The following DLG2 variants were observed in gnomAD, a reference collection of about 807,000 sequenced individuals.
The protein encoded by DLG2 is discs large MAGUK scaffold protein 2.
DLG2 carries 45 observed loss-of-function variants against 132.5 expected under a neutral mutation model. The observed-to-expected ratio is 0.34, with a 90% confidence interval of 0.27 to 0.44. The LOEUF (loss-of-function observed/expected upper bound fraction) is 0.44, where lower values mean the gene tolerates loss of function less well. DLG2 is among the 20% of genes least tolerant of loss of function. The pLI is 1.00. For missense variants in DLG2, 1,045 were observed against 1,196.9 expected (o/e 0.87, Z 1.87); for synonymous variants, 424 against 419.6 (o/e 1.01, Z -0.13).
chr11:84,389,985 T>A (rs2098786528), intron 7 of DLG2, among the ~76,000 whole-genome samples: 1 of 152,202 alleles, frequency 6.6e-6, no homozygotes, highest in South Asian at 2.1e-4. Flanking sequence ...CATTTAGGTA[T>A]ATATGTTCAA....
In DLG2 at chr11:84,367,415, T is replaced by G. The variant is rs1322357849; in HGVS notation, c.520-116124A>C. On this transcript the variant is annotated intron_variant, in intron 7 of 27. Coordinates refer to ENST00000376104, the MANE Select transcript of DLG2 (RefSeq NM_001142699.3). ...ACAAAAACCAGCACTGGGACAGACT[T>G]GGCCCATGAACTGTAGTTGTCAAGT... Among the ~76,000 whole-genome samples, 5 of 152,222 alleles carry G rather than the reference T, an allele frequency of 3.3e-5. No individual in the cohort carries two copies. The East Asian group carries it at 9.7e-4, about 30-fold the overall frequency.
intron 3 of DLG2, among the ~76,000 whole-genome samples, chr11:85,492,061 G>A (rs1392132503): frequency 1.3e-5 from 2 of 152,052 alleles, no homozygotes; most frequent in African/African-American, 4.8e-5. Flanking sequence ...TCAATGGTAA[G>A]AATAGTTAAC....
At chr11:85,137,041 G>C in intron 5 of DLG2, among the ~76,000 whole-genome samples, 1 of 151,752 alleles carries the variant, frequency 6.6e-6, no homozygotes, top group East Asian at 1.9e-4. Flanking sequence ...TAAATATATT[G>C]GTGCATGTAG....
intron 11 of DLG2, among the ~76,000 whole-genome samples, chr11:84,040,826 CATG>C (rs1441284863): frequency 1.3e-5 from 2 of 151,854 alleles, no homozygotes; most frequent in Non-Finnish European, 2.9e-5. Context: ...TGGCCATTTT[CATG>C]ATATTGATTC....
chr11:85,514,535 C>T (rs2094137785), intron 3 of DLG2, among the ~76,000 whole-genome samples: 1 of 151,934 alleles, frequency 6.6e-6, no homozygotes, highest in African/African-American at 2.4e-5. Flanking sequence ...ATTCTTACAG[C>T]ACTTTTTGGA....
chr11:83,930,249 C>G (rs1361717958), intron 15 of DLG2, 79 bp downstream of exon 15: 10 of 1,505,016 alleles, frequency 6.6e-6, no homozygotes, highest in Non-Finnish European at 9.1e-6. Context: ...GAGAAGTGAG[C>G]AGAGGCGGAT....
At chr11:85,154,413 C>T (rs1057336507) in intron 5 of DLG2, 143 bp downstream of exon 5, 2 of 489,424 alleles carry the variant, frequency 4.1e-6, no homozygotes. Flanking sequence ...AGCCTGAGAA[C>T]CCAATATGCT....
intron 6 of DLG2, among the ~76,000 whole-genome samples, chr11:84,570,161 A>G (rs1431704573): frequency 6.6e-6 from 1 of 152,204 alleles, no homozygotes; most frequent in Non-Finnish European, 1.5e-5. Flanking sequence ...ACTAGTCCCT[A>G]CATAACTCTC....
intron 11 of DLG2, among the ~76,000 whole-genome samples, chr11:84,007,776 T>C (rs2094645003): frequency 6.6e-6 from 1 of 151,726 alleles, no homozygotes; most frequent in African/African-American, 2.4e-5. Flanking sequence ...TGTATGACCT[T>C]GTAATATGTT....
At chr11:83,929,415 G>A (rs548244769) in intron 15 of DLG2, among the ~76,000 whole-genome samples, 1 of 152,214 alleles carries the variant, frequency 6.6e-6, no homozygotes, top group South Asian at 2.1e-4. Context: ...GACTGAATTG[G>A]AACTACCTTG....
chr11:84,070,178 A>G (rs1490524370), intron 10 of DLG2, among the ~76,000 whole-genome samples: 3 of 152,248 alleles, frequency 2.0e-5, no homozygotes, highest in African/African-American at 7.2e-5. Flanking sequence ...TACCAGTGTC[A>G]GGTACACAGT....
At chr11:84,204,527 G>A (rs556946437) in intron 8 of DLG2, among the ~76,000 whole-genome samples, 3 of 151,874 alleles carry the variant, frequency 2.0e-5, no homozygotes, top group Non-Finnish European at 4.4e-5. Flanking sequence ...TGGAAAGGAA[G>A]ATCAAAGAAA....
chr11:83,499,895 A>ATATCTATCTATCTATC (rs1555113456), intron 21 of DLG2, among the ~76,000 whole-genome samples: 16 of 114,524 alleles, frequency 1.4e-4, no homozygotes, highest in African/African-American at 5.5e-4. Context: ...ATATATATAT[A>ATATCTATCTATCTATC]TATCAGTTCT....
chr11:84,696,573 G>A (rs1419508812), intron 6 of DLG2, among the ~76,000 whole-genome samples: 1 of 151,520 alleles, frequency 6.6e-6, no homozygotes, highest in African/African-American at 2.4e-5. Context: ...GAGCAAGGAG[G>A]TGAGTGGTGA....
In DLG2 at chr11:84,534,722, A is replaced by G. The variant is rs1190073376; in HGVS notation, c.367T>C (p.Tyr123His). ...TCATGTGGAGCGTCCTCATCTTGAT[A>G]TCGATACTTCTAGGAGAAAAGAAAA... ...MPVHHCTKYR[Y>H]QDEDAPHDHS... The change falls in exon 7 of 28, where the codon TAT becomes CAT. Residue 123 changes from tyrosine (Y) to histidine (H), a missense_variant. Physicochemically the swap from Tyr to His is moderately conservative, Grantham distance 83 (BLOSUM62 2). Transcript: ENST00000376104. 6.2e-7 allele frequency: 1 copy of G among 1,614,058 alleles called. No homozygotes were observed. The highest frequency in any genetic ancestry group is 8.5e-7 in the Non-Finnish European group (1 of 1,179,932).
intron 6 of DLG2, among the ~76,000 whole-genome samples, chr11:85,084,318 A>G (rs2067626224): frequency 6.6e-6 from 1 of 152,188 alleles, no homozygotes; most frequent in Non-Finnish European, 1.5e-5. Context: ...TACTAGAAGG[A>G]AAGTCAGAAT....
chr11:85,583,361 T>C (rs975654004), intron 3 of DLG2, among the ~76,000 whole-genome samples: 2 of 149,734 alleles, frequency 1.3e-5, no homozygotes, highest in Non-Finnish European at 3.0e-5. Flanking sequence ...CTGTTGTTGT[T>C]GTTGTTGTTG....
At chr11:85,145,292 A>G (rs192164977) in intron 5 of DLG2, among the ~76,000 whole-genome samples, 12 of 152,144 alleles carry the variant, frequency 7.9e-5, no homozygotes, top group Admixed American at 2.0e-4. Flanking sequence ...TGATTATTAA[A>G]TGTGTTGAAG....
intron 19 of DLG2, among the ~76,000 whole-genome samples, chr11:83,624,743 T>C (rs115546270): frequency 0.053 from 8,123 of 152,286 alleles, 776 homozygotes; most frequent in African/African-American, 0.19. Context: ...CAATAAGCTA[T>C]GCACGACTAT....
Sources: gnomAD v4.1 joint callset for allele counts (sites outside exome capture counted in the v4.1 genomes callset) on GRCh38, gnomAD v4.1.1 for gene constraint, MANE v1.5 for transcripts, NCBI Gene and HGNC (gene_info 2026-07-23, HGNC 2026-07-21) for gene names.